WDR31: variants seen among roughly 807,000 people sequenced by gnomAD.
The protein encoded by WDR31 is WD repeat domain 31, also known as WD repeat-containing protein 31.
In WDR31, 30 loss-of-function variants were observed where a neutral mutation model predicts 47.3. That is an observed-to-expected ratio of 0.63 (90% CI 0.47 to 0.86). The LOEUF is 0.86. Among genes scored for constraint, WDR31 ranks in the 40% least tolerant of loss-of-function variants. WDR31 has a pLI of 0.00. For synonymous variants in WDR31, 137 were observed against 159.4 expected (o/e 0.86, Z 1.06); for missense variants, 406 against 442.9 (o/e 0.92, Z 0.75).
At position 113,316,564 on chromosome 9, in the gene WDR31, C is replaced by A. The variant is rs1331524451; in HGVS notation, c.*185G>T. 1 of 683,764 alleles carries A rather than the reference C, an allele frequency of 1.5e-6. No individual in the cohort carries two copies. The highest frequency in any genetic ancestry group is 2.4e-6 in the Non-Finnish European group (1 of 425,156). The allele number at this position is 683,764 out of a possible 1,614,324, so 42.4% of individuals were successfully genotyped here. A position where few individuals can be genotyped will look rare whatever the true frequency, so the allele number is the denominator to read the frequency against. ...TATGTGTAGTCCATGTTTCTGGACT[C>A]TATACCTGATTTTGAATCACTGGAC... On this transcript the variant is annotated 3_prime_UTR_variant, in exon 11 of 11. Transcript: ENST00000374193.
chr9:113,320,285 T>C, intron 9 of WDR31, 72 bp downstream of exon 9: 1 of 1,571,210 alleles, frequency 6.4e-7, no homozygotes, highest in African/African-American at 1.3e-5. Flanking sequence ...GTAGCACAGC[T>C]ACAGGCATGA....
In WDR31 at chr9:113,315,216, A is replaced by T. The variant is rs1396233603; in HGVS notation, c.*1533T>A. ...CACACAAACACACAAAAAATTAGCC[A>T]GGTGTGGTGGTGCATGCCTGCAGTC... On this transcript the variant is annotated 3_prime_UTR_variant, in exon 11 of 11. Transcript: ENST00000374193. The T allele has an allele frequency of 6.6e-6, 1 of 151,722 alleles. No individual in the cohort carries two copies. The highest frequency in any genetic ancestry group is 1.5e-5 in the Non-Finnish European group (1 of 68,030). 9.4% of individuals were successfully genotyped at this position (151,722 alleles called of 1,614,324 possible).
In WDR31 at chr9:113,318,565, C is replaced by G. The variant is rs187133500; in HGVS notation, c.853G>C (p.Val285Leu). 12 of 1,614,062 alleles carry G rather than the reference C, an allele frequency of 7.4e-6. No individual in the cohort carries two copies. The highest frequency in any genetic ancestry group is 3.3e-4 in the Middle Eastern group (2 of 6,084). The change falls in exon 10 of 11, where the codon GTC becomes CTC. Residue 285 changes from valine (V) to leucine (L), a missense_variant. Transcript: ENST00000374193. ...KGHFQTVASCVFLPRALALMP... is the reference protein window; with the variant it reads ...KGHFQTVASCLFLPRALALMP... ...AAGGCCAATGCTCTTGGTAGAAAGA[C>G]GCAGGATGCGACAGTCTGGAAATGC... is the stretch of plus-strand genomic sequence containing the variant.
intron 2 of WDR31, among the ~76,000 whole-genome samples, chr9:113,333,998 TTCCTTC>T (rs558398870): frequency 5.7e-4 from 86 of 152,014 alleles, no homozygotes; most frequent in Non-Finnish European, 1.1e-3. Flanking sequence ...TTCTTTCTTT[TTCCTTC>T]TCCTTCTCCT....
rs1833531662 is a variant in WDR31, at chr9:113,328,819, G to C, written c.324+62C>G. On this transcript the variant is annotated intron_variant, in intron 5 of 10. Transcript: ENST00000374193. ...AAGATTCAATCACTCTTAATATCTA[G>C]AACTATTAGCTATCCTTTATTCAGT... 8.1e-6 allele frequency: 11 copies of C among 1,365,652 alleles called. No individual in the cohort carries two copies. The Admixed American group carries it at 1.3e-4, about 17-fold the overall frequency. The allele number at this position is 1,365,652 out of a possible 1,614,324, so 84.6% of individuals were successfully genotyped here.
Position 113,328,869 on chromosome 9 carries a change from T to C in WDR31, c.324+12A>G, listed in dbSNP as rs1431844614. 5 of 1,608,158 alleles carry C rather than the reference T, an allele frequency of 3.1e-6. No homozygotes were observed. Among genetic ancestry groups the C allele is most frequent in the Non-Finnish European group, 4.3e-6 (5 of 1,174,624 alleles). ...TTCCAGATTGCCTTCATAATAATCA[T>C]TTGAAAATTACCTTGGTGATCTCAT... On this transcript the variant is annotated intron_variant, in intron 5 of 10. Coordinates refer to ENST00000374193, the MANE Select transcript of WDR31 (RefSeq NM_001012361.4).
At chr9:113,327,809 G>A (rs117086534) in intron 5 of WDR31, among the ~76,000 whole-genome samples, 2,053 of 152,284 alleles carry the variant, frequency 0.013, 65 homozygotes, top group East Asian at 0.1. Flanking sequence ...AAAATTAGCC[G>A]GGTGTGGTGG....
In WDR31 at chr9:113,330,847, C is replaced by T. The variant is rs866257706; in HGVS notation, c.249+137G>A. On this transcript the variant is annotated intron_variant, in intron 4 of 10. Coordinates refer to ENST00000374193, the MANE Select transcript of WDR31 (RefSeq NM_001012361.4). ...AAGTGGCCAAGCAGGGATTTAAATC[C>T]AGTCTTTCTAACTCTAAAGCCAATA... The T allele has an allele frequency of 1.7e-5, 17 of 984,176 alleles. No individual in the cohort carries two copies. In the African/African-American group the frequency reaches 2.8e-4, roughly 16 times the overall value. The allele number at this position is 984,176 out of a possible 1,614,324, so 61.0% of individuals were successfully genotyped here.
chr9:113,337,786 T>C (rs185043660), intron 1 of WDR31, among the ~76,000 whole-genome samples: 1 of 152,346 alleles, frequency 6.6e-6, no homozygotes, highest in Admixed American at 6.5e-5. Flanking sequence ...ATTTTGGATT[T>C]CAGGTTTTCC....
rs1833205849 is a variant in WDR31, at chr9:113,316,591, T to TA, written c.*157dup. 2 of 863,416 alleles carry TA rather than the reference T, an allele frequency of 2.3e-6. No individual in the cohort carries two copies. The highest frequency in any genetic ancestry group is 5.7e-5 in the Admixed American group (2 of 35,010). The allele number at this position is 863,416 out of a possible 1,614,324, so 53.5% of individuals were successfully genotyped here. On this transcript the variant is annotated 3_prime_UTR_variant, in exon 11 of 11. Transcript: ENST00000374193. The stretch of plus-strand genomic sequence containing the variant: ...ATACCTGATTTTGAATCACTGGACT[T>TA]AAATTATTGGACTTACAACACTGAT...
At chr9:113,333,905 G>A (rs1322605388) in intron 2 of WDR31, among the ~76,000 whole-genome samples, 1 of 151,946 alleles carries the variant, frequency 6.6e-6, no homozygotes, top group East Asian at 1.9e-4. Flanking sequence ...TCTCAGTGAG[G>A]CCCTTCGCTC....
At chr9:113,333,789 G>C (rs1162565463) in intron 2 of WDR31, among the ~76,000 whole-genome samples, 1 of 152,058 alleles carries the variant, frequency 6.6e-6, no homozygotes, top group Non-Finnish European at 1.5e-5. Flanking sequence ...AGACAATGTA[G>C]GTAATGACCT....
intron 10 of WDR31, among the ~76,000 whole-genome samples, chr9:113,317,836 C>G (rs757745546): frequency 6.6e-6 from 1 of 152,184 alleles, no homozygotes; most frequent in Non-Finnish European, 1.5e-5. Flanking sequence ...CCACCACCAC[C>G]GATTCATAGC....
intron 3 of WDR31, 21 bp downstream of exon 3, chr9:113,331,886 C>T: frequency 6.2e-7 from 1 of 1,610,120 alleles, no homozygotes; most frequent in East Asian, 2.2e-5. Flanking sequence ...AACCTGGGCT[C>T]CCAGGGGAGG....
chr9:113,317,550 G>GT (rs1833233128), intron 10 of WDR31, among the ~76,000 whole-genome samples: 1 of 152,210 alleles, frequency 6.6e-6, no homozygotes, highest in Non-Finnish European at 1.5e-5. Context: ...GCCACTCCAG[G>GT]TAACAGTACA....
Position 113,320,464 on chromosome 9 carries a change from T to C in WDR31, c.673A>G (p.Met225Val). 6.2e-7 allele frequency: 1 copy of C among 1,614,216 alleles called. No homozygotes were observed. The highest frequency in any genetic ancestry group is 8.5e-7 in the Non-Finnish European group (1 of 1,180,030). ...WDSRGLQVAH[M>V]FPAKQHIQTY... ...TGAATGTGCTGCTTTGCAGGAAACATATGAGCTACCTGCAGCCCCCGACTG... is the reference window on the plus strand; with the variant it reads ...TGAATGTGCTGCTTTGCAGGAAACACATGAGCTACCTGCAGCCCCCGACTG... Residue 225 changes from methionine (M) to valine (V), a missense_variant, in exon 9 of 11, where the codon ATG becomes GTG. Physicochemically the swap from Met to Val is conservative, Grantham distance 21. Transcript: ENST00000374193.
intron 9 of WDR31, among the ~76,000 whole-genome samples, chr9:113,319,076 A>G (rs1272983768): frequency 3.3e-5 from 5 of 152,090 alleles, no homozygotes; most frequent in African/African-American, 9.7e-5. Flanking sequence ...AGTTAGAAGT[A>G]CCCCATAGAT....
chr9:113,326,591 C>A (rs1286596036), intron 5 of WDR31, among the ~76,000 whole-genome samples: 1 of 152,068 alleles, frequency 6.6e-6, no homozygotes, highest in Non-Finnish European at 1.5e-5. Context: ...CTTAGCCTCC[C>A]AAGTAGCTTT....
chr9:113,337,464 A>AT (rs151093541), intron 1 of WDR31, among the ~76,000 whole-genome samples: 20,052 of 135,458 alleles, frequency 0.15, 1,675 homozygotes, highest in African/African-American at 0.22. Flanking sequence ...AGCATTTTGG[A>AT]TTTTTTTTTT....
Sources: allele counts gnomAD v4.1 joint callset (sites outside exome capture counted in the v4.1 genomes callset), GRCh38; gene constraint gnomAD v4.1.1; transcripts MANE v1.5; gene names NCBI Gene and HGNC (gene_info 2026-07-23, HGNC 2026-07-21).